Variants in ANKS1B observed in about 807,000 individuals in gnomAD.
ANKS1B encodes ankyrin repeat and sterile alpha motif domain-containing protein 1B.
A neutral mutation model predicts 148.3 loss-of-function variants in ANKS1B; 36 were observed. The ratio of observed to expected loss-of-function variants is 0.24; its 90% CI spans 0.19 to 0.32. The LOEUF is 0.32. Among genes scored for constraint, ANKS1B ranks in the 10% least tolerant of loss-of-function variants. The pLI, the probability that ANKS1B is intolerant of heterozygous loss-of-function variation, is 1.00. For missense variants in ANKS1B, 1,157 were observed against 1,542.6 expected (o/e 0.75, Z 4.19); for synonymous variants, 542 against 560.8 (o/e 0.97, Z 0.47).
intron 14 of ANKS1B, among the ~76,000 whole-genome samples, chr12:99,229,888 G>A (rs1428935375): frequency 6.6e-6 from 1 of 151,666 alleles, no homozygotes. Context: ...ATGTGCAAGG[G>A]GTATATTCTA....
intron 12 of ANKS1B, among the ~76,000 whole-genome samples, chr12:99,253,429 A>G (rs899364893): frequency 2.0e-5 from 3 of 152,166 alleles, no homozygotes; most frequent in Non-Finnish European, 4.4e-5. Context: ...TTAATACTTC[A>G]TCGTAACTGC....
At chr12:99,287,200 C>T (rs1442600947) in intron 12 of ANKS1B, among the ~76,000 whole-genome samples, 1 of 152,170 alleles carries the variant, frequency 6.6e-6, no homozygotes, top group Non-Finnish European at 1.5e-5. Flanking sequence ...GGGAGCCCAG[C>T]ATGCAGAGAG....
At chr12:99,974,374 T>C (rs1335574933) in intron 1 of ANKS1B, among the ~76,000 whole-genome samples, 1 of 152,222 alleles carries the variant, frequency 6.6e-6, no homozygotes, top group African/African-American at 2.4e-5. Flanking sequence ...ATCCACAATA[T>C]GTCTGAGCTA....
At chr12:99,735,812 A>G (rs1049061689) in intron 8 of ANKS1B, among the ~76,000 whole-genome samples, 3 of 151,214 alleles carry the variant, frequency 2.0e-5, no homozygotes, top group Admixed American at 6.6e-5. Flanking sequence ...TATACCAAAA[A>G]AAAAAAAAAA....
At chr12:99,071,012 C>A (rs2046102178) in intron 16 of ANKS1B, among the ~76,000 whole-genome samples, 1 of 152,222 alleles carries the variant, frequency 6.6e-6, no homozygotes, top group East Asian at 1.9e-4. Context: ...TTTGATTCAT[C>A]TGTCTCCTTC....
intron 14 of ANKS1B, among the ~76,000 whole-genome samples, chr12:99,214,733 C>G (rs2083889821): frequency 6.6e-6 from 1 of 152,168 alleles, no homozygotes; most frequent in Admixed American, 6.5e-5. Context: ...GTGGAAGACA[C>G]TTTGGAGCTG....
chr12:99,590,250 A>ACACC (rs372718235), intron 9 of ANKS1B, among the ~76,000 whole-genome samples: 18,038 of 143,124 alleles, frequency 0.13, 1,272 homozygotes, highest in East Asian at 0.2. Flanking sequence ...ACTCACACCC[A>ACACC]CACCCACCCA....
intron 17 of ANKS1B, among the ~76,000 whole-genome samples, chr12:98,949,273 C>A (rs928460161): frequency 1.3e-5 from 2 of 151,988 alleles, no homozygotes; most frequent in African/African-American, 2.4e-5. Flanking sequence ...ACTTTTAAGG[C>A]AGTTGGAAGC....
intron 12 of ANKS1B, among the ~76,000 whole-genome samples, chr12:99,324,052 T>C (rs2085835005): frequency 6.6e-6 from 1 of 152,200 alleles, no homozygotes; most frequent in Admixed American, 6.5e-5. Flanking sequence ...ACTAGTGCTC[T>C]TAACTTTATG....
intron 1 of ANKS1B, among the ~76,000 whole-genome samples, chr12:99,970,010 A>C (rs568865977): frequency 6.6e-6 from 1 of 152,214 alleles, no homozygotes; most frequent in Non-Finnish European, 1.5e-5. Context: ...GATGTTTACA[A>C]CATTGCTTAT....
At position 98,782,110 on chromosome 12, in the gene ANKS1B, A is replaced by T; in HGVS notation, c.3354+16T>A. 1 of 1,595,338 alleles carries T rather than the reference A, an allele frequency of 6.3e-7. No individual in the cohort carries two copies. Among genetic ancestry groups the T allele is most frequent in the Non-Finnish European group, 8.5e-7 (1 of 1,169,632 alleles). On this transcript the variant is annotated intron_variant, in intron 23 of 26. Coordinates refer to ENST00000683438, the MANE Select transcript of ANKS1B (RefSeq NM_001352186.2). The stretch of plus-strand genomic sequence containing the variant: ...TATACTAGTAATAATCACACTAAAC[A>T]TCAAGAAGAACCTACCTGACAGTTA...
chr12:99,163,036 C>T (rs147510253), intron 14 of ANKS1B, among the ~76,000 whole-genome samples: 54 of 149,988 alleles, frequency 3.6e-4, no homozygotes, highest in Middle Eastern at 6.9e-3. Context: ...CCAGCCTGGG[C>T]GACAGAGCGA....
chr12:99,595,541 T>C lies in ANKS1B; in HGVS notation c.1272+59526A>G, dbSNP rs180785950. Among the ~76,000 whole-genome samples the C allele has an allele frequency of 2.1e-3, 321 of 152,078 alleles. 4 individuals are homozygous for C. The highest frequency in any genetic ancestry group is 0.013 in the South Asian group (65 of 4,828). ...AGAGGAAATCTTATTAGTATTAGTATGTATCAACTCATTTTAGAAAATATA... is the reference window on the plus strand; with the variant it reads ...AGAGGAAATCTTATTAGTATTAGTACGTATCAACTCATTTTAGAAAATATA... On this transcript the variant is annotated intron_variant, in intron 9 of 26. Transcript: ENST00000683438.
At chr12:99,429,101 T>C (rs1015608621) in intron 11 of ANKS1B, among the ~76,000 whole-genome samples, 23 of 152,166 alleles carry the variant, frequency 1.5e-4, no homozygotes, top group Non-Finnish European at 4.4e-5. Flanking sequence ...TTCACATAGT[T>C]TTAAAGTACC....
intron 8 of ANKS1B, among the ~76,000 whole-genome samples, chr12:99,771,852 A>C (rs1234204082): frequency 6.6e-6 from 1 of 152,156 alleles, no homozygotes; most frequent in Non-Finnish European, 1.5e-5. Flanking sequence ...CCCAGGAAAC[A>C]GTGTCACAGC....
In ANKS1B at chr12:99,885,156, C is replaced by T. The variant is rs77332846; in HGVS notation, c.135-59767G>A. On this transcript the variant is annotated intron_variant, in intron 1 of 26. Coordinates refer to ENST00000683438, the MANE Select transcript of ANKS1B (RefSeq NM_001352186.2). ...GAAATGTTTCTTCCCATCCTCTCTT[C>T]CCTACTTTGCTTGGCTAAATGCTAT... Among the ~76,000 whole-genome samples the T allele has an allele frequency of 9.3e-3, 1,411 of 152,118 alleles. 21 individuals are homozygous for T. The highest frequency in any genetic ancestry group is 0.032 in the African/African-American group (1,315 of 41,488).
At position 99,790,991 on chromosome 12, in the gene ANKS1B, G is replaced by A. The variant is rs375398557; in HGVS notation, c.670-8894C>T. On this transcript the variant is annotated intron_variant, in intron 4 of 26. Coordinates refer to ENST00000683438, the MANE Select transcript of ANKS1B (RefSeq NM_001352186.2). Reference sequence around the variant, plus strand: ...TCAAAAGACATAGAGTGGCTGAATAGATAAAAAACAAAACCCAATGATCTG... The same window carrying A: ...TCAAAAGACATAGAGTGGCTGAATAAATAAAAAACAAAACCCAATGATCTG... Among the ~76,000 whole-genome samples the A allele has an allele frequency of 5.1e-4, 77 of 151,934 alleles. 1 individual carries two copies. The highest frequency in any genetic ancestry group is 1.8e-3 in the African/African-American group (76 of 41,484).
Position 99,407,429 on chromosome 12 carries a change from T to C in ANKS1B, c.1576-7618A>G, listed in dbSNP as rs753295642. On this transcript the variant is annotated intron_variant, in intron 11 of 26. Coordinates refer to ENST00000683438, the MANE Select transcript of ANKS1B (RefSeq NM_001352186.2). ...AGTATCATACAAAATGGGAGAAAACTGAAAGCCTTTCCTCTAAGACCTGGA... is the reference window on the plus strand; with the variant it reads ...AGTATCATACAAAATGGGAGAAAACCGAAAGCCTTTCCTCTAAGACCTGGA... 3.4e-4 allele frequency among the ~76,000 whole-genome samples: 49 copies of C among 145,446 alleles called. 5 individuals carry two copies. The highest frequency in any genetic ancestry group is 6.5e-4 in the Non-Finnish European group (43 of 65,896).
At chr12:99,900,993 A>G (rs1247676495) in intron 1 of ANKS1B, among the ~76,000 whole-genome samples, 2 of 152,220 alleles carry the variant, frequency 1.3e-5, no homozygotes, top group African/African-American at 4.8e-5. Context: ...CTCAACAAGT[A>G]TAATTATCCT....
Sources: gnomAD v4.1 joint callset for allele counts (sites outside exome capture counted in the v4.1 genomes callset) on GRCh38, gnomAD v4.1.1 for gene constraint, MANE v1.5 for transcripts, NCBI Gene and HGNC (gene_info 2026-07-23, HGNC 2026-07-21) for gene names.